HIP1: variants seen among roughly 807,000 people sequenced by gnomAD.
The protein encoded by HIP1 is huntingtin-interacting protein 1.
A neutral mutation model predicts 147.6 loss-of-function variants in HIP1; 65 were observed. The observed-to-expected ratio is 0.44, with a 90% CI of 0.36 to 0.54. The LOEUF (loss-of-function observed/expected upper bound fraction) is 0.54. Among genes scored for constraint, HIP1 ranks in the 20% least tolerant of loss-of-function variants. The pLI is 0.00. For synonymous variants in HIP1, 479 were observed against 504.0 expected (o/e 0.95, Z 0.67); for missense variants, 1,061 against 1,299.6 (o/e 0.82, Z 2.82).
At chr7:75,659,541 C>T (rs1189199058) in intron 1 of HIP1, among the ~76,000 whole-genome samples, 2 of 151,876 alleles carry the variant, frequency 1.3e-5, no homozygotes, top group Non-Finnish European at 2.9e-5. Context: ...CCCAGCTACT[C>T]GGGAGGCTGA....
rs587738852 is a variant in HIP1, at chr7:75,535,994, G to A, written c.*2178C>T. On this transcript the variant is annotated 3_prime_UTR_variant, in exon 31 of 31. Transcript: ENST00000336926. ...CTCTCAAAGTGCTGGGATTACAGGC[G>A]TGAGCCACTGTGCCCGGCCACCCCT... is the stretch of plus-strand genomic sequence containing the variant. 36 of 178,496 alleles carry A rather than the reference G, an allele frequency of 2.0e-4. No individual in the cohort carries two copies. The highest frequency in any genetic ancestry group is 5.1e-4 in the Admixed American group (8 of 15,804). 11.1% of individuals were successfully genotyped at this position (178,496 alleles called of 1,614,324 possible).
At position 75,547,768 on chromosome 7, in the gene HIP1, C is replaced by G; in HGVS notation, c.2452G>C (p.Glu818Gln). The change falls in exon 24 of 31, where the codon GAG becomes CAG. Residue 818 changes from glutamate to glutamine, a missense_variant. Glu to Gln is a conservative substitution (Grantham distance 29). Coordinates refer to ENST00000336926, the MANE Select transcript of HIP1 (RefSeq NM_005338.7). ...GCTCAGACCGACCTTTCATTCACCT[C>G]CAATTTGACTCCTGTGTCTCCTGCT... ...SRAGDTGVKL[E>Q]VNERILGCCT... 1 of 1,613,930 alleles carries G rather than the reference C, an allele frequency of 6.2e-7. No homozygotes were observed. The highest frequency in any genetic ancestry group is 8.5e-7 in the Non-Finnish European group (1 of 1,179,880).
At chr7:75,540,923 G>C (rs1794282476) in intron 29 of HIP1, among the ~76,000 whole-genome samples, 1 of 152,144 alleles carries the variant, frequency 6.6e-6, no homozygotes, top group Non-Finnish European at 1.5e-5. Context: ...AGAGATCCTG[G>C]ATAACATGTA....
intron 13 of HIP1, among the ~76,000 whole-genome samples, chr7:75,560,569 C>T (rs1033957988): frequency 3.3e-5 from 5 of 152,032 alleles, no homozygotes; most frequent in African/African-American, 1.2e-4. Context: ...CTCTCCTTAT[C>T]GCCATGTGAG....
chr7:75,590,527 G>A (rs1036446804), intron 4 of HIP1, among the ~76,000 whole-genome samples: 2 of 152,004 alleles, frequency 1.3e-5, no homozygotes, highest in South Asian at 2.1e-4. Context: ...AATAAAATGG[G>A]AGACATAAAT....
chr7:75,628,455 T>C (rs1798111555), intron 1 of HIP1, among the ~76,000 whole-genome samples: 1 of 150,850 alleles, frequency 6.6e-6, no homozygotes, highest in Non-Finnish European at 1.5e-5. Flanking sequence ...TCTAATATTA[T>C]AATTTTATCT....
At chr7:75,599,088 T>C (rs1183236384) in intron 2 of HIP1, 96 bp downstream of exon 2, 1 of 909,176 alleles carries the variant, frequency 1.1e-6, no homozygotes, top group Non-Finnish European at 1.8e-6. Flanking sequence ...GGGTTGCCCC[T>C]TCCTGGAGCT....
At chr7:75,703,431 G>A (rs1353345258) in intron 1 of HIP1, among the ~76,000 whole-genome samples, 1 of 152,084 alleles carries the variant, frequency 6.6e-6, no homozygotes, top group African/African-American at 2.4e-5. Flanking sequence ...ATCACCCGAG[G>A]TCGGGAGTTC....
At chr7:75,547,496 G>A (rs1046388550) in intron 24 of HIP1, among the ~76,000 whole-genome samples, 4 of 152,120 alleles carry the variant, frequency 2.6e-5, no homozygotes, top group Admixed American at 2.0e-4. Flanking sequence ...TCGAACTCCC[G>A]ACCTCAGGTG....
chr7:75,727,616 C>A (rs544138901), intron 1 of HIP1, among the ~76,000 whole-genome samples: 8 of 152,000 alleles, frequency 5.3e-5, no homozygotes, highest in Non-Finnish European at 1.0e-4. Flanking sequence ...GAAGCCCAGG[C>A]GGGTGGATCA....
rs868984813 is a variant in HIP1 at position 75,607,564 on chromosome 7, C to T, written c.121-8317G>A. On this transcript the variant is annotated intron_variant, in intron 1 of 30. Transcript: ENST00000336926. ...AAAAAAAAAAAAAATTTGTCAAGTG[C>T]GGTGGCCGTGCCTGTAGTCCCAGGT... Among the ~76,000 whole-genome samples the T allele has an allele frequency of 3.0e-3, 436 of 146,198 alleles. 2 individuals are homozygous for T. Among genetic ancestry groups the T allele is most frequent in the African/African-American group, 0.01 (412 of 39,590 alleles).
intron 5 of HIP1, among the ~76,000 whole-genome samples, chr7:75,585,877 C>T (rs1049996319): frequency 2.6e-5 from 4 of 152,042 alleles, no homozygotes; most frequent in African/African-American, 9.7e-5. Context: ...GGCAGTGATG[C>T]GATCATAGCT....
Position 75,563,265 on chromosome 7 carries a change from T to C in HIP1, c.804-2A>G. 1 of 1,614,066 alleles carries C rather than the reference T, an allele frequency of 6.2e-7. No individual in the cohort carries two copies. The highest frequency in any genetic ancestry group is 8.5e-7 in the Non-Finnish European group (1 of 1,179,946). On this transcript the variant is annotated splice_acceptor_variant, in intron 9 of 30. Transcript: ENST00000336926. LOFTEE classifies it high-confidence loss of function. The stretch of plus-strand genomic sequence containing the variant: ...GAGCGGTAGAACAGATCTTTCAACC[T>C]AGGGGTGGAGAAGGACCTGAGGGGT...
chr7:75,563,112 T>G (rs1469049020), intron 10 of HIP1, 37 bp from the exon 11 acceptor site: 2 of 1,613,976 alleles, frequency 1.2e-6, no homozygotes, highest in South Asian at 1.1e-5. Context: ...AGTGCTTGCT[T>G]GCCAGGCCCC....
At chr7:75,702,093 C>A (rs1800849855) in intron 1 of HIP1, among the ~76,000 whole-genome samples, 1 of 150,682 alleles carries the variant, frequency 6.6e-6, no homozygotes, top group East Asian at 1.9e-4. Context: ...CCATACCCAG[C>A]TAATTTTTGT....
intron 1 of HIP1, among the ~76,000 whole-genome samples, chr7:75,609,801 C>T (rs73370121): frequency 0.12 from 17,797 of 151,766 alleles, 2,208 homozygotes; most frequent in African/African-American, 0.31. Flanking sequence ...CATGATCTTC[C>T]GCCTCGGCCT....
chr7:75,646,372 C>A (rs568542187), intron 1 of HIP1, among the ~76,000 whole-genome samples: 3 of 152,252 alleles, frequency 2.0e-5, no homozygotes, highest in Non-Finnish European at 4.4e-5. Context: ...CGAGCGTGAG[C>A]CACCTCGCCT....
chr7:75,560,953 A>AT (rs11438714), intron 13 of HIP1, among the ~76,000 whole-genome samples: 80,916 of 140,056 alleles, frequency 0.58, 23,655 homozygotes, highest in Middle Eastern at 0.64. Context: ...AGGTGATGCA[A>AT]TTTTTTTTTT....
intron 13 of HIP1, among the ~76,000 whole-genome samples, chr7:75,560,557 A>G (rs1795191766): frequency 1.3e-5 from 2 of 151,836 alleles, no homozygotes; most frequent in East Asian, 1.9e-4. Flanking sequence ...CGGCAAACCA[A>G]TCTCTCCTTA....
Sources: gnomAD v4.1 joint callset for allele counts (sites outside exome capture counted in the v4.1 genomes callset) on GRCh38, gnomAD v4.1.1 for gene constraint, MANE v1.5 for transcripts, NCBI Gene and HGNC (gene_info 2026-07-23, HGNC 2026-07-21) for gene names.